CNMD: variants seen among roughly 807,000 people sequenced by gnomAD.
The protein encoded by CNMD is leukocyte cell-derived chemotaxin 1.
A neutral mutation model predicts 37.5 loss-of-function variants in CNMD; 30 were observed. The ratio of observed to expected loss-of-function variants is 0.80; its 90% CI spans 0.60 to 1.09. The LOEUF is 1.09. CNMD is among the 50% of genes least tolerant of loss of function. The pLI, the probability that CNMD is intolerant of heterozygous loss-of-function variation, is 0.00. For missense variants in CNMD, 398 were observed against 423.9 expected, an observed-to-expected ratio of 0.94 and a Z score of 0.54; for synonymous variants, 167 against 148.2, an observed-to-expected ratio of 1.13 and a Z score of -0.92.
At chr13:52,738,919 G>C (rs1964824581) in intron 2 of CNMD, 112 bp downstream of exon 2, 1 of 1,013,744 alleles carries the variant, frequency 9.9e-7, no homozygotes, top group Non-Finnish European at 1.3e-6. Context: ...GCTCACGCTG[G>C]GCCCGAGGGG....
At chr13:52,707,487 C>A (rs541443980) in intron 6 of CNMD, among the ~76,000 whole-genome samples, 49 of 152,116 alleles carry the variant, frequency 3.2e-4, no homozygotes, top group African/African-American at 1.1e-3. Flanking sequence ...GTGGCTCTAT[C>A]CTCTAACTGG....
chr13:52,733,072 G>C (rs778616146), intron 3 of CNMD, 147 bp downstream of exon 3: 4 of 757,366 alleles, frequency 5.3e-6, no homozygotes, highest in Non-Finnish European at 9.2e-6. Context: ...GAGAGAATAT[G>C]CTACATGTAG....
At position 52,703,543 on chromosome 13, in the gene CNMD, G is replaced by C. The variant is rs903403001; in HGVS notation, c.*52C>G. ...ATCAACCTGCCTTAATGCTTCTTTG[G>C]TTGTCTCTTCAGCTAGTTCTTATTT... On this transcript the variant is annotated 3_prime_UTR_variant, in exon 7 of 7. Coordinates refer to ENST00000377962, the MANE Select transcript of CNMD (RefSeq NM_007015.3). 7.6e-6 allele frequency: 10 copies of C among 1,310,594 alleles called. No individual in the cohort carries two copies. The East Asian group carries it at 2.3e-4, about 31-fold the overall frequency. The allele number at this position is 1,310,594 out of a possible 1,614,324, so 81.2% of individuals were successfully genotyped here.
chr13:52,739,319 G>C lies in CNMD; in HGVS notation c.73-148C>G. The C allele has an allele frequency of 1.0e-6, 1 of 954,912 alleles. No individual in the cohort carries two copies. The highest frequency in any genetic ancestry group is 1.5e-6 in the Non-Finnish European group (1 of 675,968). 59.2% of individuals were successfully genotyped at this position (954,912 alleles called of 1,614,324 possible). ...CCGGGCTCCTACGGGTGCCCCTTTC[G>C]CCGCGCTCCCTCCCGAGGGTCCTTT... On this transcript the variant is annotated intron_variant, in intron 1 of 6. Coordinates refer to ENST00000377962, the MANE Select transcript of CNMD (RefSeq NM_007015.3). The surrounding 1 kb of genome is among the most constrained non-coding windows in gnomAD (Gnocchi z 5.4).
Position 52,703,819 on chromosome 13 carries a change from TAA to T in CNMD, c.790-11_790-10del. 2 of 1,603,206 alleles carry T rather than the reference TAA, an allele frequency of 1.2e-6. No individual in the cohort carries two copies. The highest frequency in any genetic ancestry group is 1.7e-6 in the Non-Finnish European group (2 of 1,170,506). ...CTTTCCCCTTCCTGCTGCTGTGAAA[TAA>T]AAGATAATTATTTGTGATAACTGCA... On this transcript the variant is annotated splice_polypyrimidine_tract_variant and intron_variant, in intron 6 of 6. Transcript: ENST00000377962.
chr13:52,712,343 A>G (rs1399738820), intron 5 of CNMD, among the ~76,000 whole-genome samples: 1 of 152,186 alleles, frequency 6.6e-6, no homozygotes, highest in Non-Finnish European at 1.5e-5. Flanking sequence ...CGGCGGTATG[A>G]CAGTTTCTTA....
chr13:52,724,614 C>G (rs753951943), intron 3 of CNMD, among the ~76,000 whole-genome samples: 1 of 151,732 alleles, frequency 6.6e-6, no homozygotes, highest in Non-Finnish European at 1.5e-5. Flanking sequence ...AAAAAACAAA[C>G]AAAAACAGCC....
chr13:52,739,099 A>C lies in CNMD; in HGVS notation c.145T>G (p.Ser49Ala). The change falls in exon 2 of 7, where the codon TCG becomes GCG. Residue 49 changes from serine (S) to alanine (A), a missense_variant. Coordinates refer to ENST00000377962, the MANE Select transcript of CNMD (RefSeq NM_007015.3). This position sits in a 1 kb window ranked among gnomAD's most constrained non-coding sequence, Gnocchi z 5.4. ...CCAAAGAGCAGCAGCACAGCTCCCG[A>C]AATGAGGACCACGGCTCCCACCTTG... Reference protein sequence around the residue: ...LLKVGAVVLISGAVLLLFGAI... With the variant: ...LLKVGAVVLIAGAVLLLFGAI... 2.5e-6 allele frequency: 4 copies of C among 1,575,984 alleles called. No homozygotes were observed. Among genetic ancestry groups the C allele is most frequent in the Non-Finnish European group, 3.4e-6 (4 of 1,165,322 alleles).
chr13:52,732,314 C>T (rs1964685080), intron 3 of CNMD, among the ~76,000 whole-genome samples: 1 of 152,140 alleles, frequency 6.6e-6, no homozygotes, highest in African/African-American at 2.4e-5. Context: ...ATGCCTCTTC[C>T]TTATAGTAAA....
chr13:52,724,242 A>G lies in CNMD; in HGVS notation c.355-132T>C, dbSNP rs927632964. Reference sequence around the variant, plus strand: ...GAACAAAAGAGATGGAACTGCCCTCATGGAACTTACCTTTTAGCATTGTTT... The same window carrying G: ...GAACAAAAGAGATGGAACTGCCCTCGTGGAACTTACCTTTTAGCATTGTTT... On this transcript the variant is annotated intron_variant, in intron 3 of 6. Transcript: ENST00000377962. 7.3e-6 allele frequency: 5 copies of G among 681,272 alleles called. No homozygotes were observed. In the African/African-American group the frequency reaches 8.9e-5, roughly 12 times the overall value. 42.2% of individuals were successfully genotyped at this position (681,272 alleles called of 1,614,324 possible).
chr13:52,722,034 T>A (rs1964492877), intron 4 of CNMD, among the ~76,000 whole-genome samples: 1 of 150,670 alleles, frequency 6.6e-6, no homozygotes, highest in Non-Finnish European at 1.5e-5. Flanking sequence ...AGTTCAAGGG[T>A]CAGAACAAAG....
Position 52,724,015 on chromosome 13 carries a change from C to G in CNMD, c.450G>C (p.Gln150His). 2 of 1,612,882 alleles carry G rather than the reference C, an allele frequency of 1.2e-6. No homozygotes were observed. Among genetic ancestry groups the G allele is most frequent in the Non-Finnish European group, 1.7e-6 (2 of 1,178,898 alleles). Residue 150 changes from glutamine to histidine, a missense_variant, in exon 4 of 7, where the codon CAG (glutamine) becomes CAC (histidine). Physicochemically the swap from Gln to His is conservative, Grantham distance 24. Coordinates refer to ENST00000377962, the MANE Select transcript of CNMD (RefSeq NM_007015.3). ...RIPEVGAVTK[Q>H]SISSKLEGKI... is the part of the protein sequence containing the mutation. ...TACCCACCAGTTTGGAGGAGATGCT[C>G]TGTTTGGTCACGGCGCCCACCTCAG...
chr13:52,730,667 A>C (rs935081162), intron 3 of CNMD, among the ~76,000 whole-genome samples: 1 of 151,956 alleles, frequency 6.6e-6, no homozygotes, highest in African/African-American at 2.4e-5. Context: ...TTTTGATGGG[A>C]TATTCTTTCA....
At chr13:52,738,548 A>C (rs1463879639) in intron 2 of CNMD, among the ~76,000 whole-genome samples, 1 of 152,160 alleles carries the variant, frequency 6.6e-6, no homozygotes, top group African/African-American at 2.4e-5. Context: ...GTCACAAAAA[A>C]ACCTTCTGAA....
At chr13:52,707,844 C>T (rs1410561864) in intron 6 of CNMD, among the ~76,000 whole-genome samples, 2 of 152,116 alleles carry the variant, frequency 1.3e-5, no homozygotes, top group African/African-American at 2.4e-5. Flanking sequence ...GTGGCTCACA[C>T]CTGTGATCCC....
intron 6 of CNMD, among the ~76,000 whole-genome samples, chr13:52,706,966 T>TCACC (rs1227196277): frequency 6.6e-6 from 1 of 152,230 alleles, no homozygotes; most frequent in African/African-American, 2.4e-5. Context: ...TGATCTTGGC[T>TCACC]CACCGCAACC....
rs74086018 is a variant in CNMD, at chr13:52,724,199, G to A, written c.355-89C>T. ...CTACTGTGTTCCAGATGCTGTTCCG[G>A]GTGCTAGGGATAGGGATGAACAAAA... On this transcript the variant is annotated intron_variant, in intron 3 of 6. Coordinates refer to ENST00000377962, the MANE Select transcript of CNMD (RefSeq NM_007015.3). The A allele has an allele frequency of 6.9e-3, 6,601 of 958,118 alleles. 267 individuals carry two copies. In the African/African-American group the frequency reaches 0.091, roughly 13 times the overall value. 59.4% of individuals were successfully genotyped at this position (958,118 alleles called of 1,614,324 possible).
chr13:52,721,867 T>A (rs1288537798), intron 4 of CNMD, among the ~76,000 whole-genome samples: 1 of 152,130 alleles, frequency 6.6e-6, no homozygotes. Context: ...TAAATCTGGG[T>A]CAGCCATTGT....
chr13:52,723,465 C>A (rs543515046), intron 4 of CNMD, among the ~76,000 whole-genome samples: 2 of 152,246 alleles, frequency 1.3e-5, no homozygotes, highest in South Asian at 4.1e-4. Context: ...GAGCACCCAG[C>A]CCCTTTATGC....
Sources: allele counts gnomAD v4.1 joint callset (sites outside exome capture counted in the v4.1 genomes callset), GRCh38; gene constraint gnomAD v4.1.1; non-coding constraint Gnocchi (gnomAD v3.1); transcripts MANE v1.5; gene names NCBI Gene and HGNC (gene_info 2026-07-23, HGNC 2026-07-21).